The following ANXA7 variants were observed in gnomAD, a reference collection of about 807,000 sequenced individuals.
ANXA7 encodes annexin A7, also known as annexin VII.
In ANXA7, 55 loss-of-function variants were observed where a neutral mutation model predicts 64.9. That is an observed-to-expected ratio of 0.85 (90% CI 0.68 to 1.06). The LOEUF is 1.06. Ranked by LOEUF, ANXA7 falls within the 50% of genes least tolerant of loss-of-function variation. The pLI, the probability that ANXA7 is intolerant of heterozygous loss-of-function variation, is 0.00. For missense variants in ANXA7, 548 were observed against 582.1 expected, an observed-to-expected ratio of 0.94 and a Z score of 0.60; for synonymous variants, 200 against 192.4, an observed-to-expected ratio of 1.04 and a Z score of -0.33.
In ANXA7 at chr10:73,395,960, G is replaced by A. The variant is rs7097105; in HGVS notation, c.435+559C>T. On this transcript the variant is annotated intron_variant, in intron 5 of 12. Coordinates refer to ENST00000372921, the MANE Select transcript of ANXA7 (RefSeq NM_001156.5). ...GATACAGGTGAGCCCTTAAGAAGTA[G>A]TGAGAGACAAGTACATGAGAATCAG... The A allele has an allele frequency of 0.014, 12,114 of 866,902 alleles. 679 individuals carry two copies. The African/African-American group carries it at 0.14, about 10-fold the overall frequency. 53.7% of individuals were successfully genotyped at this position (866,902 alleles called of 1,614,324 possible). A position where few individuals can be genotyped will look rare whatever the true frequency, so the allele number is the denominator to read the frequency against.
rs2055649659 is a variant in ANXA7 at position 73,400,825 on chromosome 10, T to C, written c.32A>G (p.Tyr11Cys). Reference sequence around the variant, plus strand: ...TACAGGATATCCAGGGAAAGGTGGGTAGCCTGTTGGGGGATAGCCTGGGTA... The same window carrying C: ...TACAGGATATCCAGGGAAAGGTGGGCAGCCTGTTGGGGGATAGCCTGGGTA... The part of the protein sequence containing the change: MSYPGYPPTG[Y>C]PPFPGYPPAG... The change falls in exon 2 of 13, where the codon TAC becomes TGC. Residue 11 changes from tyrosine to cysteine, a missense_variant. Transcript: ENST00000372921. 6.2e-7 allele frequency: 1 copy of C among 1,605,844 alleles called. No homozygotes were observed. The highest frequency in any genetic ancestry group is 1.3e-5 in the African/African-American group (1 of 74,514).
rs1291609917 is a variant in ANXA7, at chr10:73,383,616, A to C, written c.708T>G (p.Pro236=). ...EELILALFMP[P]TYYDAWSLRK... is the part of the protein sequence containing the mutation. The stretch of plus-strand genomic sequence containing the variant: ...GTAAGCTCCAGGCATCGTAATACGT[A>C]GGAGGCATGAAGAGGGCCAGGATCA... Residue 236 remains proline (P), a synonymous_variant, in exon 8 of 13, where the codon CCT becomes CCG. Coordinates refer to ENST00000372921, the MANE Select transcript of ANXA7 (RefSeq NM_001156.5). The C allele has an allele frequency of 6.2e-7, 1 of 1,613,696 alleles. No individual in the cohort carries two copies. The highest frequency in any genetic ancestry group is 1.7e-5 in the Admixed American group (1 of 59,990).
chr10:73,388,336 G>T lies in ANXA7; in HGVS notation c.514C>A (p.Leu172Ile). ...NFDAIRDAEI[L>I]RKAMKGFGTD... is the part of the protein sequence containing the mutation. ...CCAAAACCCTTCATTGCCTTACGAA[G>T]AATTTCTGCATCTCTTATAGCATCG... The change falls in exon 6 of 13, where the codon CTT (leucine) becomes ATT (isoleucine). Residue 172 changes from leucine (L) to isoleucine (I), a missense_variant. Leu to Ile is a conservative substitution (Grantham distance 5). Coordinates refer to ENST00000372921, the MANE Select transcript of ANXA7 (RefSeq NM_001156.5). 2 of 1,613,892 alleles carry T rather than the reference G, an allele frequency of 1.2e-6. No homozygotes were observed. Among genetic ancestry groups the T allele is most frequent in the Non-Finnish European group, 1.7e-6 (2 of 1,179,800 alleles).
chr10:73,379,508 AACTGCTTCGTGGTGAC>A (rs758688250), intron 11 of ANXA7, among the ~76,000 whole-genome samples: 8 of 152,198 alleles, frequency 5.3e-5, no homozygotes, highest in Non-Finnish European at 1.2e-4. Flanking sequence ...TGAGGACTCA[AACTGCTTCGTGGTGAC>A]ACTGTGAGTT....
intron 2 of ANXA7, among the ~76,000 whole-genome samples, chr10:73,399,540 G>T (rs941449036): frequency 1.2e-4 from 19 of 152,028 alleles, no homozygotes; most frequent in African/African-American, 2.4e-5. Context: ...ACCAAAATGT[G>T]GGCTGGGCTA....
chr10:73,391,726 AT>A (rs910372921), intron 5 of ANXA7, among the ~76,000 whole-genome samples: 2 of 151,968 alleles, frequency 1.3e-5, no homozygotes, highest in Non-Finnish European at 2.9e-5. Flanking sequence ...TAAGACAAAA[AT>A]TTTTTTTACA....
chr10:73,376,147 C>T lies in ANXA7; in HGVS notation c.1349G>A (p.Gly450Asp). ...YQKTLGTMIA[G>D]DTSGDYRRLL... is the part of the protein sequence containing the mutation. ...TCTTCGGTAATCTCCACTCGTGTCA[C>T]CTGCAATCATTGTGCCCAGAGTCTT... The change falls in exon 13 of 13, where the codon GGT becomes GAT. Residue 450 changes from glycine (G) to aspartate (D), a missense_variant. By Grantham distance (94) the Gly-to-Asp change is moderately conservative. Transcript: ENST00000372921. The T allele has an allele frequency of 6.2e-7, 1 of 1,609,034 alleles. No individual in the cohort carries two copies. Among genetic ancestry groups the T allele is most frequent in the South Asian group, 1.1e-5 (1 of 89,592 alleles).
chr10:73,399,492 C>A (rs2055625631), intron 2 of ANXA7, among the ~76,000 whole-genome samples: 1 of 152,096 alleles, frequency 6.6e-6, no homozygotes, highest in African/African-American at 2.4e-5. Context: ...TCCTATTCTC[C>A]CAGGGTTAGA....
chr10:73,411,713 T>A (rs1645827141), intron 1 of ANXA7, among the ~76,000 whole-genome samples: 1 of 151,740 alleles, frequency 6.6e-6, no homozygotes, highest in African/African-American at 2.4e-5. Context: ...ATTACAGGCG[T>A]GAGCCACTGT....
chr10:73,387,855 T>TC, intron 6 of ANXA7, 72 bp from the exon 7 acceptor site: 1 of 1,241,748 alleles, frequency 8.1e-7, no homozygotes, highest in Non-Finnish European at 1.1e-6. Flanking sequence ...TCTTTTTTTT[T>TC]TTTTTTTTTT....
chr10:73,388,518 G>T (rs1011347144), intron 5 of ANXA7, 104 bp from the exon 6 acceptor site: 3 of 872,338 alleles, frequency 3.4e-6, no homozygotes, highest in African/African-American at 3.4e-5. Flanking sequence ...GAAGGCCAAT[G>T]TTTGGGTTTT....
chr10:73,385,620 TA>T (rs2055355114), intron 7 of ANXA7, among the ~76,000 whole-genome samples: 1 of 152,152 alleles, frequency 6.6e-6, no homozygotes, highest in South Asian at 2.1e-4. Context: ...TGGCTAGTGG[TA>T]CGGAAATTAG....
intron 1 of ANXA7, among the ~76,000 whole-genome samples, chr10:73,405,475 G>T (rs1158660107): frequency 6.6e-6 from 1 of 152,074 alleles, no homozygotes; most frequent in Non-Finnish European, 1.5e-5. Flanking sequence ...GGAGGCAGAG[G>T]TTGCAGTGAG....
Position 73,375,266 on chromosome 10 carries a change from T to C in ANXA7, c.*829A>G, listed in dbSNP as rs536079438. The C allele has an allele frequency of 9.2e-5, 14 of 152,346 alleles. No individual in the cohort carries two copies. The highest frequency in any genetic ancestry group is 8.5e-4 in the Admixed American group (13 of 15,304). The allele number at this position is 152,346 out of a possible 1,614,324, so 9.4% of individuals were successfully genotyped here. A position where few individuals can be genotyped will look rare whatever the true frequency, so the allele number is the denominator to read the frequency against. ...GGTTTAATGTAGAGCACAGTATCTA[T>C]AGTTAATAATGTACTGAACACTTAA... On this transcript the variant is annotated 3_prime_UTR_variant, in exon 13 of 13. Coordinates refer to ENST00000372921, the MANE Select transcript of ANXA7 (RefSeq NM_001156.5).
intron 5 of ANXA7, among the ~76,000 whole-genome samples, chr10:73,391,397 G>T (rs1384296948): frequency 6.6e-6 from 1 of 152,026 alleles, no homozygotes; most frequent in Non-Finnish European, 1.5e-5. Flanking sequence ...GATCGCTTGA[G>T]CCCAGGAGTT....
intron 5 of ANXA7, 147 bp from the exon 6 acceptor site, chr10:73,388,561 C>T (rs898086631): frequency 4.9e-6 from 3 of 611,396 alleles, no homozygotes; most frequent in South Asian, 4.3e-5. Flanking sequence ...ATTACCAGAG[C>T]TCATTATGGA....
intron 1 of ANXA7, among the ~76,000 whole-genome samples, chr10:73,411,667 G>A (rs1274614483): frequency 6.6e-6 from 1 of 152,024 alleles, no homozygotes; most frequent in Non-Finnish European, 1.5e-5. Flanking sequence ...CCTGACCTCA[G>A]GTGATCCACC....
At chr10:73,411,587 G>A (rs1354292208) in intron 1 of ANXA7, among the ~76,000 whole-genome samples, 9 of 151,900 alleles carry the variant, frequency 5.9e-5, no homozygotes, top group Non-Finnish European at 1.3e-4. Context: ...ACGTGCCACC[G>A]CACCCGGCTA....
At chr10:73,407,622 T>G (rs917261927) in intron 1 of ANXA7, among the ~76,000 whole-genome samples, 1 of 152,244 alleles carries the variant, frequency 6.6e-6, no homozygotes, top group Non-Finnish European at 1.5e-5. Flanking sequence ...ATGATTCATA[T>G]TTCTTTTATA....
Sources: allele counts gnomAD v4.1 joint callset (sites outside exome capture counted in the v4.1 genomes callset), GRCh38; gene constraint gnomAD v4.1.1; transcripts MANE v1.5; gene names NCBI Gene and HGNC (gene_info 2026-07-23, HGNC 2026-07-21).